The following ME2 variants were observed in gnomAD, a reference collection of about 807,000 sequenced individuals.
The protein encoded by ME2 is NAD-dependent malic enzyme, mitochondrial.
ME2 carries 60 observed loss-of-function variants against 73.7 expected under a neutral mutation model. The ratio of observed to expected loss-of-function variants is 0.81; its 90% CI spans 0.66 to 1.01. The LOEUF is 1.01. Ranked by LOEUF, ME2 falls within the 50% of genes least tolerant of loss-of-function variation. The pLI is 0.00. For synonymous variants in ME2, 199 were observed against 236.9 expected (o/e 0.84, Z 1.47); for missense variants, 594 against 705.5 (o/e 0.84, Z 1.79).
chr18:50,935,401 TAAGAC>T (rs1917792388), intron 13 of ME2: 1 of 151,946 alleles, frequency 6.6e-6, no homozygotes, highest in South Asian at 2.1e-4. Flanking sequence ...CTTAAAAACT[TAAGAC>T]AAGTACCACT....
At chr18:50,901,941 G>T (rs188636834) in intron 2 of ME2, among the ~76,000 whole-genome samples, 6 of 152,024 alleles carry the variant, frequency 3.9e-5, no homozygotes, top group South Asian at 4.2e-4. Context: ...AGTTCCTCCC[G>T]TAATACTACT....
chr18:50,947,064 AC>A lies in ME2; in HGVS notation c.1637del (p.Pro546LeufsTer36), dbSNP rs1316126383. 3 of 1,613,878 alleles carry A rather than the reference AC, an allele frequency of 1.9e-6. No individual in the cohort carries two copies. The highest frequency in any genetic ancestry group is 1.7e-6 in the Non-Finnish European group (2 of 1,179,880). On this transcript the variant is annotated frameshift_variant, in exon 16 of 16. Transcript: ENST00000321341. LOFTEE classifies it high-confidence loss of function. ...ATAAAATGGCTTTCCGATACCCAGA[AC>A]CTGAAGACAAGGCCAAATATGTTAA... The part of the protein sequence containing the change: ...ANKMAFRYPE[P>X]EDKAKYVKER...
rs937397364 is a variant in ME2, at chr18:50,950,014, A to G, written c.*2830A>G. The G allele has an allele frequency of 1.1e-4, 16 of 152,356 alleles. No homozygotes were observed. The highest frequency in any genetic ancestry group is 3.8e-4 in the African/African-American group (16 of 41,590). The allele number at this position is 152,356 out of a possible 1,614,324, so 9.4% of individuals were successfully genotyped here. ...CCTAGCAAGAAGGTAATTATTTTGA[A>G]TAACAGCAATAGAGAATCTTTTATT... On this transcript the variant is annotated 3_prime_UTR_variant, in exon 16 of 16. Coordinates refer to ENST00000321341, the MANE Select transcript of ME2 (RefSeq NM_002396.5).
chr18:50,928,763 A>G (rs537620061), intron 12 of ME2, among the ~76,000 whole-genome samples: 20 of 152,206 alleles, frequency 1.3e-4, no homozygotes, highest in East Asian at 7.7e-4. Context: ...GTCCTGAGGT[A>G]TTTATCAGCA....
At chr18:50,881,030 A>G (rs903978083) in intron 1 of ME2, among the ~76,000 whole-genome samples, 1 of 152,162 alleles carries the variant, frequency 6.6e-6, no homozygotes, top group East Asian at 1.9e-4. Flanking sequence ...CAAACTAGAC[A>G]TATTTTATTC....
rs376499445 is a variant in ME2 at position 50,939,784 on chromosome 18, A to G, written c.1488+144A>G. 8.1e-5 allele frequency: 47 copies of G among 583,018 alleles called. No individual in the cohort carries two copies. In the East Asian group the frequency reaches 1.2e-3, roughly 15 times the overall value. The allele number at this position is 583,018 out of a possible 1,614,324, so 36.1% of individuals were successfully genotyped here. A position where few individuals can be genotyped will look rare whatever the true frequency, so the allele number is the denominator to read the frequency against. The stretch of plus-strand genomic sequence containing the variant: ...CTCAAATTACTTTTATGATTTGCCT[A>G]TTTATGCATAAAATTAATTTTTTTA... On this transcript the variant is annotated intron_variant, in intron 14 of 15. Coordinates refer to ENST00000321341, the MANE Select transcript of ME2 (RefSeq NM_002396.5).
intron 12 of ME2, among the ~76,000 whole-genome samples, chr18:50,929,009 C>T (rs1474777462): frequency 6.6e-6 from 1 of 152,006 alleles, no homozygotes; most frequent in Non-Finnish European, 1.5e-5. Flanking sequence ...TCTCTGCTTG[C>T]TTACAAAAAT....
intron 1 of ME2, among the ~76,000 whole-genome samples, chr18:50,893,124 C>CAAAAAAAAAAA (rs56104427): frequency 2.8e-4 from 22 of 78,094 alleles, no homozygotes; most frequent in African/African-American, 1.2e-3. Flanking sequence ...GACTCTATCT[C>CAAAAAAAAAAA]AAAAAAAAAA....
intron 7 of ME2, among the ~76,000 whole-genome samples, 184 bp from the exon 8 acceptor site, chr18:50,920,272 T>A (rs1435377414): frequency 6.6e-6 from 1 of 152,162 alleles, no homozygotes; most frequent in Non-Finnish European, 1.5e-5. Flanking sequence ...CACCTCATAC[T>A]TTTTTTATTG....
Position 50,918,226 on chromosome 18 carries a change from A to C in ME2, c.734+13A>C. 6.4e-7 allele frequency: 1 copy of C among 1,573,978 alleles called. No individual in the cohort carries two copies. ...CTATTACTGACAGGTATTTTTTAAA[A>C]GTTTGAGTATATGAAAGCACCTTTA... On this transcript the variant is annotated intron_variant, in intron 7 of 15. Transcript: ENST00000321341.
At chr18:50,928,843 C>G (rs1347025825) in intron 12 of ME2, among the ~76,000 whole-genome samples, 1 of 152,082 alleles carries the variant, frequency 6.6e-6, no homozygotes, top group African/African-American at 2.4e-5. Flanking sequence ...GGTGGCTTTG[C>G]TGTTCAGGGT....
chr18:50,949,720 T>A lies in ME2; in HGVS notation c.*2536T>A, dbSNP rs1918178554. The A allele has an allele frequency of 6.6e-6, 1 of 152,228 alleles. No individual in the cohort carries two copies. The highest frequency in any genetic ancestry group is 2.4e-5 in the African/African-American group (1 of 41,460). 9.4% of individuals were successfully genotyped at this position (152,228 alleles called of 1,614,324 possible). A position where few individuals can be genotyped will look rare whatever the true frequency, so the allele number is the denominator to read the frequency against. On this transcript the variant is annotated 3_prime_UTR_variant, in exon 16 of 16. Coordinates refer to ENST00000321341, the MANE Select transcript of ME2 (RefSeq NM_002396.5). ...CCTGGTACAGTCTTCATGGAAGTTATTAAGTATTTTAAGGAAAAAAATAGG... is the reference window on the plus strand; with the variant it reads ...CCTGGTACAGTCTTCATGGAAGTTAATAAGTATTTTAAGGAAAAAAATAGG...
intron 13 of ME2, among the ~76,000 whole-genome samples, chr18:50,936,571 G>A (rs1437830870): frequency 3.9e-5 from 6 of 152,162 alleles, no homozygotes; most frequent in African/African-American, 1.2e-4. Context: ...CAATAGCTCC[G>A]TTAAATAGAG....
chr18:50,950,507 CTTTCTT>C lies in ME2; in HGVS notation c.*3328_*3333del, dbSNP rs2144285699. ...TTTTTTTTTTTTTTAAACAGGGTCT[CTTTCTT>C]TTTCCTTTCTCACTCAGGCTGCAGT... On this transcript the variant is annotated 3_prime_UTR_variant, in exon 16 of 16. Transcript: ENST00000321341. 1 of 36,460 alleles carries C rather than the reference CTTTCTT, an allele frequency of 2.7e-5. No individual in the cohort carries two copies. Among genetic ancestry groups the C allele is most frequent in the South Asian group, 1.1e-3 (1 of 894 alleles). The allele number at this position is 36,460 out of a possible 1,614,324, so 2.3% of individuals were successfully genotyped here.
chr18:50,901,162 C>G (rs1045176568), intron 2 of ME2, among the ~76,000 whole-genome samples: 3 of 152,208 alleles, frequency 2.0e-5, no homozygotes, highest in African/African-American at 7.2e-5. Context: ...TCTAAACAAG[C>G]ATTTGAGTGC....
chr18:50,916,705 C>G (rs976234209), intron 5 of ME2: 1 of 152,054 alleles, frequency 6.6e-6, no homozygotes, highest in South Asian at 2.1e-4. Flanking sequence ...ATTTAGTTAT[C>G]TTTCATAAAA....
chr18:50,914,995 A>G (rs1801537970), intron 4 of ME2, among the ~76,000 whole-genome samples: 1 of 152,154 alleles, frequency 6.6e-6, no homozygotes. Flanking sequence ...TGTACATGAT[A>G]AATACAGTTG....
intron 6 of ME2, 119 bp from the exon 7 acceptor site, chr18:50,917,991 C>G (rs1599108388): frequency 1.8e-6 from 1 of 564,940 alleles, no homozygotes; most frequent in Non-Finnish European, 3.0e-6. Context: ...AATAAAGTTT[C>G]TTGTAGGGCA....
rs1302126146 is a variant in ME2, at chr18:50,948,045, T to C, written c.*861T>C. On this transcript the variant is annotated 3_prime_UTR_variant, in exon 16 of 16. Coordinates refer to ENST00000321341, the MANE Select transcript of ME2 (RefSeq NM_002396.5). ...TGACTTTTTAAATCTAAATTAGTCA[T>C]GCTTCACATCAAAATGAGTCATATT... 1 of 152,254 alleles carries C rather than the reference T, an allele frequency of 6.6e-6. No individual in the cohort carries two copies. The highest frequency in any genetic ancestry group is 1.5e-5 in the Non-Finnish European group (1 of 68,046). The allele number at this position is 152,254 out of a possible 1,614,324, so 9.4% of individuals were successfully genotyped here. A position where few individuals can be genotyped will look rare whatever the true frequency, so the allele number is the denominator to read the frequency against.
Sources: gnomAD v4.1 joint callset for allele counts (sites outside exome capture counted in the v4.1 genomes callset) on GRCh38, gnomAD v4.1.1 for gene constraint, MANE v1.5 for transcripts, NCBI Gene and HGNC (gene_info 2026-07-23, HGNC 2026-07-21) for gene names.